ZP3: variants seen among roughly 807,000 people sequenced by gnomAD.
ZP3 encodes zona pellucida glycoprotein 3.
A neutral mutation model predicts 35.6 loss-of-function variants in ZP3; 21 were observed. The observed-to-expected ratio is 0.59, with a 90% CI of 0.42 to 0.85. The LOEUF (loss-of-function observed/expected upper bound fraction) is 0.85, where lower values mean the gene tolerates loss of function less well. ZP3 is among the 40% of genes least tolerant of loss of function. The probability of loss-of-function intolerance (pLI) is 0.00; values close to 1 mark genes in which losing one functional copy is unlikely to be tolerated. For synonymous variants in ZP3, 207 were observed against 214.5 expected (o/e 0.96, Z 0.31); for missense variants, 437 against 536.5 (o/e 0.81, Z 1.83).
intron 1 of ZP3, among the ~76,000 whole-genome samples, chr7:76,405,302 T>TATATATATAC (rs1323239759): frequency 1.2e-4 from 7 of 58,364 alleles, no homozygotes; most frequent in Non-Finnish European, 1.6e-4. Flanking sequence ...TATATATATA[T>TATATATATAC]ATATATATAT....
At chr7:76,405,932 C>T (rs1805010794) in intron 1 of ZP3, among the ~76,000 whole-genome samples, 3 of 151,410 alleles carry the variant, frequency 2.0e-5, no homozygotes, top group African/African-American at 7.3e-5. Context: ...CCCTTTCTTG[C>T]CTCCCTCCCT....
At chr7:76,404,635 G>T in intron 1 of ZP3, 1 of 732,030 alleles carries the variant, frequency 1.4e-6, no homozygotes. Context: ...TCTACAAAAA[G>T]TTTTTAAAAA....
At chr7:76,400,488 G>A (rs542129562) in intron 1 of ZP3, 72 of 1,604,070 alleles carry the variant, frequency 4.5e-5, no homozygotes, top group Middle Eastern at 3.3e-4. Context: ...CTACGTTGGC[G>A]TCCACCACGT....
At chr7:76,434,204 T>A in intron 5 of ZP3, 49 bp downstream of exon 5, 1 of 778,074 alleles carries the variant, frequency 1.3e-6, no homozygotes, top group Non-Finnish European at 2.0e-6. Flanking sequence ...AACCTTCATA[T>A]CCTACTGAAT....
rs548427965 is a variant in ZP3, at chr7:76,435,142, T to G, written c.831+987T>G. ...CGGGCAGATCACGAGGTCAGGAGAT[T>G]GAGACCATCCTGGTTAACACGGTGA... On this transcript the variant is annotated intron_variant, in intron 5 of 7. Transcript: ENST00000394857. 2.0e-5 allele frequency among the ~76,000 whole-genome samples: 3 copies of G among 151,912 alleles called. 1 individual carries two copies. The South Asian group carries it at 6.2e-4, about 31-fold the overall frequency.
At position 76,440,597 on chromosome 7, in the gene ZP3, G is replaced by A. The variant is rs756220215; in HGVS notation, c.1046G>A (p.Arg349His). The A allele has an allele frequency of 1.3e-5, 21 of 1,611,986 alleles. No individual in the cohort carries two copies. Among genetic ancestry groups the A allele is most frequent in the African/African-American group, 6.7e-5 (5 of 74,166 alleles). ...AGCCAGTGGTCCAGGTCTGCTTCCC[G>A]TAACCGCAGGCATGGTATGTCACAG... ...VMSQWSRSAS[R>H]NRRHVTEEAD... Residue 349 changes from arginine (R) to histidine (H), a missense_variant, in exon 7 of 8, where the codon CGT becomes CAT. By Grantham distance (29) the Arg-to-His change is conservative. Transcript: ENST00000394857.
intron 1 of ZP3, 57 bp from the exon 2 acceptor site, chr7:76,429,458 T>G: frequency 6.4e-7 from 1 of 1,561,614 alleles, no homozygotes. Flanking sequence ...CAGGTATGGC[T>G]TGGGAGTACC....
chr7:76,417,043 C>T (rs1341492220), intron 1 of ZP3, among the ~76,000 whole-genome samples: 2 of 150,418 alleles, frequency 1.3e-5, no homozygotes, highest in African/African-American at 4.9e-5. Context: ...CCTTTCATAT[C>T]CCTTTCAGTT....
chr7:76,400,275 G>A (rs1199253498), intron 1 of ZP3: 2 of 1,454,354 alleles, frequency 1.4e-6, no homozygotes, highest in South Asian at 1.5e-5. Context: ...AGGTCCCAGG[G>A]CTCCACTCAC....
chr7:76,426,676 T>C (rs1805662523), intron 1 of ZP3, among the ~76,000 whole-genome samples: 1 of 151,946 alleles, frequency 6.6e-6, no homozygotes, highest in Non-Finnish European at 1.5e-5. Context: ...TGGGCTTTAA[T>C]AGGTTAGAAG....
chr7:76,397,758 A>T, exon 1 of ZP3: 1 of 1,613,004 alleles, frequency 6.2e-7, no homozygotes, highest in Non-Finnish European at 8.5e-7. Flanking sequence ...ACGGTGCCCC[A>T]CAGGCCACTG....
intron 5 of ZP3, among the ~76,000 whole-genome samples, chr7:76,436,037 T>C (rs1414442153): frequency 2.7e-3 from 42 of 15,434 alleles, no homozygotes; most frequent in Middle Eastern, 0.024. Flanking sequence ...CCCCTTTTTT[T>C]TTTTTTTTTT....
At chr7:76,432,367 G>A (rs1805856863) in intron 2 of ZP3, among the ~76,000 whole-genome samples, 1 of 152,004 alleles carries the variant, frequency 6.6e-6, no homozygotes, top group African/African-American at 2.4e-5. Context: ...TTTATTTTTA[G>A]TGGAGATGGG....
rs73703174 is a variant in ZP3, at chr7:76,431,335, A to T, written c.432-1592A>T. On this transcript the variant is annotated intron_variant, in intron 2 of 7. Transcript: ENST00000394857. The stretch of plus-strand genomic sequence containing the variant: ...CTTCAGTCTCTGGGCCTGACCCCTG[A>T]GGATGGTGGCTCACCTGGTCCATTG... Among the ~76,000 whole-genome samples, 899 of 152,264 alleles carry T rather than the reference A, an allele frequency of 5.9e-3. 13 individuals are homozygous for T. The highest frequency in any genetic ancestry group is 0.02 in the African/African-American group (850 of 41,548).
upstream of ZP3, among the ~76,000 whole-genome samples, chr7:76,422,737 C>G (rs1805533679): frequency 6.7e-6 from 1 of 149,782 alleles, no homozygotes; most frequent in South Asian, 2.1e-4. Context: ...GTGGCTCACA[C>G]CTGTAATCCC....
upstream of ZP3, among the ~76,000 whole-genome samples, chr7:76,423,243 G>A (rs1343407511): frequency 6.6e-6 from 1 of 151,754 alleles, no homozygotes; most frequent in African/African-American, 2.4e-5. Flanking sequence ...GAGAGAGAGA[G>A]AGGGAAAGAT....
intron 5 of ZP3, among the ~76,000 whole-genome samples, chr7:76,436,036 T>TCC (rs1805994038): frequency 2.0e-4 from 3 of 14,748 alleles, no homozygotes; most frequent in Admixed American, 7.8e-4. Flanking sequence ...CCCCCTTTTT[T>TCC]TTTTTTTTTT....
chr7:76,404,494 C>T, intron 1 of ZP3: 1 of 1,612,724 alleles, frequency 6.2e-7, no homozygotes, highest in Admixed American at 1.7e-5. Context: ...GGAGAAGTCA[C>T]AGTTGGAACA....
chr7:76,413,724 T>A (rs1354712970), intron 1 of ZP3, among the ~76,000 whole-genome samples: 1 of 152,152 alleles, frequency 6.6e-6, no homozygotes, highest in African/African-American at 2.4e-5. Flanking sequence ...TGGAGTGTAG[T>A]GGCGTGATCA....
Sources: allele counts gnomAD v4.1 joint callset (sites outside exome capture counted in the v4.1 genomes callset), GRCh38; gene constraint gnomAD v4.1.1; transcripts MANE v1.5; gene names NCBI Gene and HGNC (gene_info 2026-07-23, HGNC 2026-07-21).